MDFIC: variants seen among roughly 807,000 people sequenced by gnomAD.
MDFIC encodes the protein myoD family inhibitor domain-containing protein.
MDFIC carries 17 observed loss-of-function variants against 23.2 expected under a neutral mutation model. That is an observed-to-expected ratio of 0.73 (90% CI 0.50 to 1.10). MDFIC has a LOEUF of 1.10. Among genes scored for constraint, MDFIC ranks in the 50% least tolerant of loss-of-function variants. The probability of loss-of-function intolerance (pLI) is 0.00; values close to 1 mark genes in which losing one functional copy is unlikely to be tolerated. For missense variants in MDFIC, 356 were observed against 316.6 expected, an observed-to-expected ratio of 1.12 and a Z score of -0.95; for synonymous variants, 120 against 115.2, an observed-to-expected ratio of 1.04 and a Z score of -0.27.
Position 115,006,164 on chromosome 7 carries a change from C to T in MDFIC, c.494-9524C>T, listed in dbSNP as rs181249967. 7.6e-4 allele frequency among the ~76,000 whole-genome samples: 116 copies of T among 152,318 alleles called. 2 individuals are homozygous for T. Among genetic ancestry groups the T allele is most frequent in the African/African-American group, 2.5e-3 (103 of 41,588 alleles). On this transcript the variant is annotated intron_variant, in intron 4 of 4. Coordinates refer to ENST00000393486, the MANE Select transcript of MDFIC (RefSeq NM_001166345.3). Reference sequence around the variant, plus strand: ...CTTGCCTCCAGGAGTCCTACAGGAACAGTCACTGTTGGGGACCTCTCAGCC... The same window carrying T: ...CTTGCCTCCAGGAGTCCTACAGGAATAGTCACTGTTGGGGACCTCTCAGCC...
chr7:114,934,577 T>C (rs1792388605), intron 2 of MDFIC, among the ~76,000 whole-genome samples: 1 of 152,164 alleles, frequency 6.6e-6, no homozygotes, highest in Admixed American at 6.5e-5. Context: ...TTCTTTTGGG[T>C]CTAAATATAC....
intron 4 of MDFIC, among the ~76,000 whole-genome samples, chr7:114,997,849 GC>G (rs1471547436): frequency 6.6e-6 from 1 of 151,912 alleles, no homozygotes; most frequent in African/African-American, 2.4e-5. Flanking sequence ...AAAAGAAAGG[GC>G]CCATGCCTGC....
chr7:114,931,248 TA>T, intron 2 of MDFIC, among the ~76,000 whole-genome samples: 1 of 152,260 alleles, frequency 6.6e-6, no homozygotes, highest in Non-Finnish European at 1.5e-5. Context: ...GTTTGCTAAG[TA>T]GAAACTATGA....
At chr7:114,943,964 A>T (rs1474701285) in intron 3 of MDFIC, among the ~76,000 whole-genome samples, 1 of 152,222 alleles carries the variant, frequency 6.6e-6, no homozygotes, top group Non-Finnish European at 1.5e-5. Flanking sequence ...TTAAATAAGA[A>T]TATGGAGAGT....
At chr7:114,977,762 C>G (rs1275027068) in intron 3 of MDFIC, among the ~76,000 whole-genome samples, 1 of 151,574 alleles carries the variant, frequency 6.6e-6, no homozygotes, top group Non-Finnish European at 1.5e-5. Flanking sequence ...TCTATTTACA[C>G]TTTAAATAAA....
At chr7:114,969,044 G>T (rs1353288541) in intron 3 of MDFIC, among the ~76,000 whole-genome samples, 2 of 152,108 alleles carry the variant, frequency 1.3e-5, no homozygotes, top group African/African-American at 4.8e-5. Context: ...TTTCAGTTAC[G>T]AAATTTGACT....
chr7:115,005,039 G>A (rs1361761594), intron 4 of MDFIC, among the ~76,000 whole-genome samples: 1 of 152,116 alleles, frequency 6.6e-6, no homozygotes, highest in Non-Finnish European at 1.5e-5. Context: ...ACCCAGTAAT[G>A]GTCCTGTTCA....
intron 3 of MDFIC, among the ~76,000 whole-genome samples, chr7:114,948,878 G>A (rs184543585): frequency 6.6e-6 from 1 of 152,212 alleles, no homozygotes; most frequent in East Asian, 1.9e-4. Flanking sequence ...TTTGCAGAGT[G>A]TAAGAAAAAA....
At chr7:114,968,183 A>G (rs1003462053) in intron 3 of MDFIC, among the ~76,000 whole-genome samples, 3 of 152,202 alleles carry the variant, frequency 2.0e-5, no homozygotes, top group African/African-American at 7.2e-5. Context: ...AGATGCTTAT[A>G]TGTTAAGTAA....
At chr7:114,978,548 A>G (rs981481641) in intron 3 of MDFIC, among the ~76,000 whole-genome samples, 2 of 151,832 alleles carry the variant, frequency 1.3e-5, no homozygotes, top group Non-Finnish European at 2.9e-5. Context: ...GCTATTGTGA[A>G]GAGTTATTTT....
intron 3 of MDFIC, among the ~76,000 whole-genome samples, chr7:114,955,380 T>A (rs1792863915): frequency 6.6e-6 from 1 of 152,204 alleles, no homozygotes; most frequent in African/African-American, 2.4e-5. Flanking sequence ...TACCCATCTC[T>A]CCACGTCTCC....
chr7:114,999,104 C>T (rs375538451), intron 4 of MDFIC, among the ~76,000 whole-genome samples: 2 of 152,012 alleles, frequency 1.3e-5, no homozygotes, highest in Non-Finnish European at 1.5e-5. Flanking sequence ...CTTTCTCTCC[C>T]TCCCCTCCCC....
chr7:114,956,936 C>G (rs2115843167), intron 3 of MDFIC, among the ~76,000 whole-genome samples: 1 of 152,258 alleles, frequency 6.6e-6, no homozygotes, highest in East Asian at 1.9e-4. Context: ...AGGTATGGCT[C>G]TCTGTTTGGG....
In MDFIC at chr7:115,018,643, A is replaced by G. The variant is rs1585127077; in HGVS notation, c.*2708A>G. ...CTATCATGACTAAGTGCTAGAATTT[A>G]TAGTTACAGGCGGTGTCCTTTTAAA... On this transcript the variant is annotated 3_prime_UTR_variant, in exon 5 of 5. Transcript: ENST00000393486. 6.6e-6 allele frequency: 1 copy of G among 152,584 alleles called. No individual in the cohort carries two copies. Among genetic ancestry groups the G allele is most frequent in the East Asian group, 1.9e-4 (1 of 5,190 alleles). The allele number at this position is 152,584 out of a possible 1,614,324, so 9.5% of individuals were successfully genotyped here. A position where few individuals can be genotyped will look rare whatever the true frequency, so the allele number is the denominator to read the frequency against.
chr7:114,971,036 G>A (rs1336249103), intron 3 of MDFIC, among the ~76,000 whole-genome samples: 2 of 152,172 alleles, frequency 1.3e-5, no homozygotes, highest in African/African-American at 2.4e-5. Flanking sequence ...TGTATCACCT[G>A]TAGGTAAAAA....
At chr7:115,009,020 A>G (rs921080217) in intron 4 of MDFIC, among the ~76,000 whole-genome samples, 6 of 152,220 alleles carry the variant, frequency 3.9e-5, no homozygotes, top group Non-Finnish European at 1.5e-5. Context: ...TTTGACCTCA[A>G]AGCAATTTCC....
At chr7:114,930,860 A>C (rs1338875647) in intron 2 of MDFIC, among the ~76,000 whole-genome samples, 1 of 152,320 alleles carries the variant, frequency 6.6e-6, no homozygotes, top group South Asian at 2.1e-4. Flanking sequence ...CGTGATTTCT[A>C]TGTTTCTACT....
At chr7:114,922,691 G>T in intron 1 of MDFIC, 55 bp downstream of exon 1, 8 of 1,346,550 alleles carry the variant, frequency 5.9e-6, no homozygotes, top group Non-Finnish European at 7.6e-6. Context: ...CATCCCCGGG[G>T]TTCTCCCAAA....
At chr7:114,927,762 T>C (rs1024884061) in intron 2 of MDFIC, among the ~76,000 whole-genome samples, 6 of 152,192 alleles carry the variant, frequency 3.9e-5, no homozygotes, top group Non-Finnish European at 5.9e-5. Context: ...TGGATTCTAC[T>C]TTCTCATAGA....
Sources: allele counts gnomAD v4.1 joint callset (sites outside exome capture counted in the v4.1 genomes callset), GRCh38; gene constraint gnomAD v4.1.1; transcripts MANE v1.5; gene names NCBI Gene and HGNC (gene_info 2026-07-23, HGNC 2026-07-21).